NUBP1: variants seen among roughly 807,000 people sequenced by gnomAD.
NUBP1 encodes NUBP iron-sulfur cluster assembly factor 1, cytosolic, also known as cytosolic Fe-S cluster assembly factor NUBP1.
A neutral mutation model predicts 41.8 loss-of-function variants in NUBP1; 46 were observed. The ratio of observed to expected loss-of-function variants is 1.10; its 90% confidence interval spans 0.87 to 1.41. The LOEUF (loss-of-function observed/expected upper bound fraction) is 1.41. NUBP1 is among the 40% of genes most tolerant of loss of function. The pLI is 0.00. For synonymous variants in NUBP1, 189 were observed against 154.6 expected (o/e 1.22, Z -1.65); for missense variants, 494 against 414.0 (o/e 1.19, Z -1.68).
Position 10,761,466 on chromosome 16 carries a change from A to C in NUBP1, c.709A>C (p.Lys237Gln), listed in dbSNP as rs1341817595. ...GAACATGAGTGGCTTCATCTGTCCT[A>C]AGTGCAAGGTGAGGGCGCGTGGGGC... ...VENMSGFICP[K>Q]CKKESQIFPP... The change falls in exon 8 of 11, where the codon AAG becomes CAG. Residue 237 changes from lysine to glutamine, a missense_variant. Physicochemically the swap from Lys to Gln is moderately conservative, Grantham distance 53 (BLOSUM62 1). Transcript: ENST00000283027. The C allele has an allele frequency of 6.8e-6, 11 of 1,613,560 alleles. No homozygotes were observed. Among genetic ancestry groups the C allele is most frequent in the Non-Finnish European group, 9.3e-6 (11 of 1,179,726 alleles).
At position 10,757,878 on chromosome 16, in the gene NUBP1, ATCAAGCAGT is replaced by A. The variant is rs771474751; in HGVS notation, c.460_468del (p.Lys154_Phe156del). The stretch of plus-strand genomic sequence containing the variant: ...CTGTGGATTCCTCTTTCTAGGCATG[ATCAAGCAGT>A]TCCTCCGAGATGTGGACTGGGGAGA... On this transcript the variant is annotated inframe_deletion, in exon 7 of 11. Coordinates refer to ENST00000283027, the MANE Select transcript of NUBP1 (RefSeq NM_002484.4). This position sits in a 1 kb window ranked among gnomAD's most constrained non-coding sequence, Gnocchi z 4.1. 7.4e-6 allele frequency: 12 copies of A among 1,613,490 alleles called. No individual in the cohort carries two copies. Among genetic ancestry groups the A allele is most frequent in the Non-Finnish European group, 1.0e-5 (12 of 1,179,606 alleles).
At position 10,757,743 on chromosome 16, in the gene NUBP1, G is replaced by C; in HGVS notation, c.452-130G>C. ...CTTGGGAGGCTGAGGTGGGAGGATT[G>C]CTTGAGCCTCAGAGTTAAGAGCCAA... On this transcript the variant is annotated intron_variant, in intron 6 of 10. Coordinates refer to ENST00000283027, the MANE Select transcript of NUBP1 (RefSeq NM_002484.4). The surrounding 1 kb of genome is among the most constrained non-coding windows in gnomAD (Gnocchi z 4.1). 1 of 1,078,428 alleles carries C rather than the reference G, an allele frequency of 9.3e-7. No homozygotes were observed. Among genetic ancestry groups the C allele is most frequent in the Non-Finnish European group, 1.3e-6 (1 of 748,702 alleles). The allele number at this position is 1,078,428 out of a possible 1,614,324, so 66.8% of individuals were successfully genotyped here.
intron 6 of NUBP1, 139 bp downstream of exon 6, chr16:10,756,919 C>T (rs12931121): frequency 0.33 from 197,514 of 607,100 alleles, 34,391 homozygotes; most frequent in Admixed American, 0.49. Context: ...GTGCCTCTTT[C>T]TTCACTGGTT....
In NUBP1 at chr16:10,766,892, G is replaced by C; in HGVS notation, c.821-1057G>C. On this transcript the variant is annotated intron_variant, in intron 9 of 10. Transcript: ENST00000283027. This position sits in a 1 kb window ranked among gnomAD's most constrained non-coding sequence, Gnocchi z 4.8. ...TATGGAGAGGACATTTCCTGTTATG[G>C]CTCAAGTGCGAATTGGCCTTATGTT... The C allele has an allele frequency of 2.5e-6, 1 of 398,558 alleles. No homozygotes were observed. 24.7% of individuals were successfully genotyped at this position (398,558 alleles called of 1,614,324 possible). A position where few individuals can be genotyped will look rare whatever the true frequency, so the allele number is the denominator to read the frequency against.
In NUBP1 at chr16:10,757,116, A is replaced by C. The variant is rs1207090632; in HGVS notation, c.451+336A>C. Among the ~76,000 whole-genome samples, 1 of 152,114 alleles carries C rather than the reference A, an allele frequency of 6.6e-6. No homozygotes were observed. Among genetic ancestry groups the C allele is most frequent in the Non-Finnish European group, 1.5e-5 (1 of 68,022 alleles). On this transcript the variant is annotated intron_variant, in intron 6 of 10. Transcript: ENST00000283027. This position sits in a 1 kb window ranked among gnomAD's most constrained non-coding sequence, Gnocchi z 4.1. ...GGAGTTCAAGACCAGCCTCGCCGAC[A>C]TGGTGAAACCCTGTCTCTACCAAAA... is the stretch of plus-strand genomic sequence containing the variant.
chr16:10,748,665 T>C (rs1009224737), intron 3 of NUBP1, among the ~76,000 whole-genome samples: 3 of 152,176 alleles, frequency 2.0e-5, no homozygotes, highest in Admixed American at 6.5e-5. Flanking sequence ...TAGTCAATGC[T>C]CAGTAAAGGT....
At position 10,768,878 on chromosome 16, in the gene NUBP1, G is replaced by A; in HGVS notation, c.905-169G>A. On this transcript the variant is annotated intron_variant, in intron 10 of 10. Transcript: ENST00000283027. This position sits in a 1 kb window ranked among gnomAD's most constrained non-coding sequence, Gnocchi z 4.3. ...GTTATGAGCAAGATGGGTAGTGTGA[G>A]GTATTCCGGTCACTTTCAAAGACTC... is the stretch of plus-strand genomic sequence containing the variant. The A allele has an allele frequency of 1.7e-6, 1 of 600,324 alleles. No homozygotes were observed. The highest frequency in any genetic ancestry group is 1.9e-5 in the African/African-American group (1 of 53,204). 37.2% of individuals were successfully genotyped at this position (600,324 alleles called of 1,614,324 possible).
Position 10,748,700 on chromosome 16 carries a change from C to G in NUBP1, c.258+1424C>G, listed in dbSNP as rs548201177. Among the ~76,000 whole-genome samples, 7 of 152,306 alleles carry G rather than the reference C, an allele frequency of 4.6e-5. No individual in the cohort carries two copies. In the South Asian group the frequency reaches 1.5e-3, roughly 32 times the overall value. Reference sequence around the variant, plus strand: ...TCTGTGATGGCCACCATTTTTATTACTTTATTTCACTCTCTGGATATGAAG... The same window carrying G: ...TCTGTGATGGCCACCATTTTTATTAGTTTATTTCACTCTCTGGATATGAAG... On this transcript the variant is annotated intron_variant, in intron 3 of 10. Coordinates refer to ENST00000283027, the MANE Select transcript of NUBP1 (RefSeq NM_002484.4).
At chr16:10,756,297 T>C (rs944117011) in intron 5 of NUBP1, among the ~76,000 whole-genome samples, 1 of 152,058 alleles carries the variant, frequency 6.6e-6, no homozygotes, top group African/African-American at 2.4e-5. Context: ...GAGAATTGCT[T>C]GAACCCGGGA....
chr16:10,748,442 T>A lies in NUBP1; in HGVS notation c.258+1166T>A, dbSNP rs902066553. Among the ~76,000 whole-genome samples the A allele has an allele frequency of 4.1e-4, 62 of 152,206 alleles. 1 individual carries two copies. Among genetic ancestry groups the A allele is most frequent in the African/African-American group, 1.5e-3 (61 of 41,526 alleles). ...AGATTACCCACTGCTGCCCTCTGGA[T>A]CTCAACTTTAATAAAAGGGGTTGGT... On this transcript the variant is annotated intron_variant, in intron 3 of 10. Transcript: ENST00000283027.
intron 4 of NUBP1, among the ~76,000 whole-genome samples, chr16:10,753,805 G>A (rs1470986244): frequency 3.3e-5 from 5 of 152,202 alleles, no homozygotes; most frequent in Admixed American, 6.5e-5. Flanking sequence ...CTGGGGGAAG[G>A]GCATTCTGGG....
Position 10,757,198 on chromosome 16 carries a change from G to A in NUBP1, c.451+418G>A, listed in dbSNP as rs1168886786. 6.6e-6 allele frequency among the ~76,000 whole-genome samples: 1 copy of A among 152,128 alleles called. No individual in the cohort carries two copies. On this transcript the variant is annotated intron_variant, in intron 6 of 10. Transcript: ENST00000283027. The surrounding 1 kb of genome is among the most constrained non-coding windows in gnomAD (Gnocchi z 4.1). ...TACCTGTAATCCCAGCTACTCGAGA[G>A]GCTGAGGCAGGAGAACCCAGGAGGC...
At chr16:10,762,080 A>T in intron 9 of NUBP1, 2 of 483,542 alleles carry the variant, frequency 4.1e-6, no homozygotes, top group Non-Finnish European at 7.5e-6. Context: ...CCTCAGGCAG[A>T]GGGGTGAGGC....
At chr16:10,756,086 A>G (rs1039346695) in intron 5 of NUBP1, among the ~76,000 whole-genome samples, 2 of 152,206 alleles carry the variant, frequency 1.3e-5, no homozygotes, top group African/African-American at 4.8e-5. Flanking sequence ...TCTGGTTAAG[A>G]GAGTTAAGGA....
chr16:10,744,287 A>G (rs532803659), intron 2 of NUBP1, among the ~76,000 whole-genome samples: 44 of 152,282 alleles, frequency 2.9e-4, no homozygotes, highest in Admixed American at 2.6e-3. Context: ...TTAGAAGGCG[A>G]GCGCGAAGGA....
In NUBP1 at chr16:10,749,120, G is replaced by GACACACACACACACACAC. The variant is rs777149995; in HGVS notation, c.258+1849_258+1850insCACACACACACACACACA. Among the ~76,000 whole-genome samples, 117 of 92,374 alleles carry GACACACACACACACACAC rather than the reference G, an allele frequency of 1.3e-3. 8 individuals are homozygous for GACACACACACACACACAC. Among genetic ancestry groups the GACACACACACACACACAC allele is most frequent in the African/African-American group, 4.3e-3 (112 of 25,806 alleles). 60.6% of individuals were successfully genotyped at this position (92,374 alleles called of 152,430 possible). ...AAAAAAGGATATAGATAGATACACA[G>GACACACACACACACACAC]ACACATACACACACACACACACACA... On this transcript the variant is annotated intron_variant, in intron 3 of 10. Coordinates refer to ENST00000283027, the MANE Select transcript of NUBP1 (RefSeq NM_002484.4). This position sits in a 1 kb window ranked among gnomAD's most constrained non-coding sequence, Gnocchi z 4.1.
chr16:10,768,309 A>T lies in NUBP1; in HGVS notation c.904+277A>T, dbSNP rs993208700. The T allele has an allele frequency of 1.7e-3, 108 of 63,708 alleles. No individual in the cohort carries two copies. The highest frequency in any genetic ancestry group is 0.011 in the African/African-American group (101 of 9,134). The allele number at this position is 63,708 out of a possible 1,614,324, so 3.9% of individuals were successfully genotyped here. On this transcript the variant is annotated intron_variant, in intron 10 of 10. Coordinates refer to ENST00000283027, the MANE Select transcript of NUBP1 (RefSeq NM_002484.4). The surrounding 1 kb of genome is among the most constrained non-coding windows in gnomAD (Gnocchi z 4.3). Reference sequence around the variant, plus strand: ...TAATTCATTTTTAAAAGTAACTGATAAAAAAAAAAAAGGCCAGGTGCAGTG... The same window carrying T: ...TAATTCATTTTTAAAAGTAACTGATTAAAAAAAAAAAGGCCAGGTGCAGTG...
intron 4 of NUBP1, 139 bp downstream of exon 4, chr16:10,752,817 C>CCTTGTCTCAA: frequency 1.4e-6 from 1 of 721,654 alleles, no homozygotes; most frequent in Non-Finnish European, 2.3e-6. Flanking sequence ...GTTTTTGAGA[C>CCTTGTCTCAA]AAGGTCTCAC....
At chr16:10,744,555 C>T (rs1899974624) in intron 2 of NUBP1, among the ~76,000 whole-genome samples, 1 of 152,032 alleles carries the variant, frequency 6.6e-6, no homozygotes, top group Non-Finnish European at 1.5e-5. Context: ...TGGTGCTGTC[C>T]TGGGGACACA....
Sources: gnomAD v4.1 joint callset for allele counts (sites outside exome capture counted in the v4.1 genomes callset) on GRCh38, gnomAD v4.1.1 for gene constraint, Gnocchi (gnomAD v3.1) non-coding constraint, MANE v1.5 for transcripts, NCBI Gene and HGNC (gene_info 2026-07-23, HGNC 2026-07-21) for gene names.